The following TAPT1 variants were observed in gnomAD, a reference collection of about 807,000 sequenced individuals.
The protein encoded by TAPT1 is transmembrane anterior posterior transformation 1, also known as transmembrane anterior posterior transformation protein 1 homolog.
In TAPT1, 28 loss-of-function variants were observed where a neutral mutation model predicts 65.6. The ratio of observed to expected loss-of-function variants is 0.43; its 90% CI spans 0.32 to 0.59. The LOEUF is 0.59. Ranked by LOEUF, TAPT1 falls within the 20% of genes least tolerant of loss-of-function variation. The pLI, the probability that TAPT1 is intolerant of heterozygous loss-of-function variation, is 0.09. For synonymous variants in TAPT1, 278 were observed against 245.2 expected (o/e 1.13, Z -1.25); for missense variants, 563 against 679.9 (o/e 0.83, Z 1.91).
At position 16,184,234 on chromosome 4, in the gene TAPT1, C is replaced by A. The variant is rs376352727; in HGVS notation, c.916+2301G>T. On this transcript the variant is annotated intron_variant, in intron 7 of 13. Transcript: ENST00000405303. ...TCCTATCATCATAAACGAATTTTGTCTGATCATAAACTTCATATAAATGAA... is the reference window on the plus strand; with the variant it reads ...TCCTATCATCATAAACGAATTTTGTATGATCATAAACTTCATATAAATGAA... 9.2e-5 allele frequency among the ~76,000 whole-genome samples: 14 copies of A among 152,282 alleles called. 1 individual carries two copies. The highest frequency in any genetic ancestry group is 3.1e-4 in the African/African-American group (13 of 41,554).
rs374613998 is a variant in TAPT1 at position 16,163,399 on chromosome 4, G to A, written c.1613C>T (p.Thr538Met). ...GTGTTTTAATTCAGAATTGTCCTGCGTTATGTCCTTCTCGTCACCATCTGG... is the reference window on the plus strand; with the variant it reads ...GTGTTTTAATTCAGAATTGTCCTGCATTATGTCCTTCTCGTCACCATCTGG... ...TTPDGDEKDI[T>M]QDNSELKHRS... Residue 538 changes from threonine to methionine, a missense_variant, in exon 14 of 14, where the codon ACG (threonine) becomes ATG (methionine). Around this residue, in one of 5 missense-constraint regions of TAPT1, gnomAD observed 136 missense variants for 153.9 expected, o/e 0.88. Transcript: ENST00000405303. 1.9e-5 allele frequency: 31 copies of A among 1,613,762 alleles called. No homozygotes were observed. The highest frequency in any genetic ancestry group is 1.1e-4 in the African/African-American group (8 of 74,880).
At chr4:16,195,348 A>G (rs1197708420) in intron 3 of TAPT1, among the ~76,000 whole-genome samples, 2 of 152,216 alleles carry the variant, frequency 1.3e-5, no homozygotes, top group African/African-American at 4.8e-5. Flanking sequence ...AGTTCTTATA[A>G]ATGGCTAAGT....
Position 16,163,506 on chromosome 4 carries a change from G to T in TAPT1, c.1506C>A (p.Ser502=). 6.2e-7 allele frequency: 1 copy of T among 1,613,914 alleles called. No individual in the cohort carries two copies. The highest frequency in any genetic ancestry group is 8.5e-7 in the Non-Finnish European group (1 of 1,179,830). Residue 502 remains serine, a synonymous_variant, in exon 14 of 14, where the codon TCC becomes TCA. Coordinates refer to ENST00000405303, the MANE Select transcript of TAPT1 (RefSeq NM_153365.3). ...GLSTEENLSA[S]ITKQPIHQKE... ...TTTGATGAATAGGTTGTTTGGTGAT[G>T]GAGGCAGACAGGTTTTCTTCTGTGG...
intron 7 of TAPT1, among the ~76,000 whole-genome samples, chr4:16,180,163 CG>C (rs937083488): frequency 6.6e-6 from 1 of 152,064 alleles, no homozygotes; most frequent in Non-Finnish European, 1.5e-5. Context: ...ATAGCATTTC[CG>C]GGGGTGTATG....
intron 12 of TAPT1, 96 bp from the exon 13 acceptor site, chr4:16,166,889 C>T: frequency 8.2e-7 from 1 of 1,224,100 alleles, no homozygotes. Context: ...GGTGGGGGGG[C>T]ATGGGACGGT....
In TAPT1 at chr4:16,188,276, C is replaced by T; in HGVS notation, c.692G>A (p.Arg231Lys). The T allele has an allele frequency of 6.2e-7, 1 of 1,612,566 alleles. No individual in the cohort carries two copies. Among genetic ancestry groups the T allele is most frequent in the Non-Finnish European group, 8.5e-7 (1 of 1,179,212 alleles). The change falls in exon 5 of 14, where the codon AGA becomes AAA. Residue 231 changes from arginine (R) to lysine (K), a missense_variant. Physicochemically the swap from Arg to Lys is conservative, Grantham distance 26 (BLOSUM62 2). Around this residue, in one of 5 missense-constraint regions of TAPT1, gnomAD observed 217 missense variants for 317.5 expected, o/e 0.68. Transcript: ENST00000405303. ...LYWTATEPKE[R>K]KRAHIGVIPH... The stretch of plus-strand genomic sequence containing the variant: ...AATCACCCCAATGTGGGCTCTTTTT[C>T]TTTCTTTAGGCTCTGTTGCTGTCCA...
chr4:16,217,387 G>A (rs749465604), intron 1 of TAPT1, among the ~76,000 whole-genome samples: 1 of 152,150 alleles, frequency 6.6e-6, no homozygotes, highest in African/African-American at 2.4e-5. Flanking sequence ...AAAATGAAAT[G>A]GAAAGGGAAG....
At chr4:16,173,450 G>T (rs1462064487) in intron 11 of TAPT1, among the ~76,000 whole-genome samples, 2 of 151,858 alleles carry the variant, frequency 1.3e-5, no homozygotes, top group African/African-American at 4.8e-5. Flanking sequence ...ATGGAGTCTT[G>T]CTCTTTCGCC....
intron 1 of TAPT1, among the ~76,000 whole-genome samples, chr4:16,222,438 T>G (rs747690068): frequency 6.6e-6 from 1 of 152,232 alleles, no homozygotes; most frequent in Non-Finnish European, 1.5e-5. Flanking sequence ...ATTATTTTTA[T>G]TTTTCTTTGT....
chr4:16,226,632 T>TGCCGCCGCC (rs962928734), upstream of TAPT1: 3 of 218,634 alleles, frequency 1.4e-5, no homozygotes, highest in Non-Finnish European at 2.3e-5. Context: ...GTGAGGCCGC[T>TGCCGCCGCC]GCCGCCGCCG....
At chr4:16,214,979 G>C (rs1174425845) in intron 1 of TAPT1, among the ~76,000 whole-genome samples, 1 of 152,112 alleles carries the variant, frequency 6.6e-6, no homozygotes, top group Non-Finnish European at 1.5e-5. Flanking sequence ...TACATGTGAG[G>C]GGGGAAGCGT....
chr4:16,205,573 G>A (rs1750293225), intron 2 of TAPT1, among the ~76,000 whole-genome samples: 1 of 152,134 alleles, frequency 6.6e-6, no homozygotes, highest in Admixed American at 6.5e-5. Flanking sequence ...CACAGGTGAA[G>A]AGCCTGGGTC....
At position 16,202,542 on chromosome 4, in the gene TAPT1, A is replaced by T; in HGVS notation, c.369T>A (p.Phe123Leu). 1 of 1,551,568 alleles carries T rather than the reference A, an allele frequency of 6.4e-7. No individual in the cohort carries two copies. Among genetic ancestry groups the T allele is most frequent in the Non-Finnish European group, 8.7e-7 (1 of 1,147,142 alleles). Residue 123 changes from phenylalanine to leucine, a missense_variant, in exon 3 of 14, where the codon TTT (phenylalanine) becomes TTA (leucine). Physicochemically the swap from Phe to Leu is conservative, Grantham distance 22. Coordinates refer to ENST00000405303, the MANE Select transcript of TAPT1 (RefSeq NM_153365.3). ...AAGGAAGCAGGGTGAACACATACAA[A>T]AACGCATCCAGGCACAGAAAGATTC... ...VFGIFLCLDA[F>L]LYVFTLLPLR...
At chr4:16,188,562 T>C (rs1749160476) in intron 4 of TAPT1, among the ~76,000 whole-genome samples, 1 of 152,204 alleles carries the variant, frequency 6.6e-6, no homozygotes, top group African/African-American at 2.4e-5. Context: ...GTATAGAATT[T>C]CAGTTAGACT....
chr4:16,170,594 T>A (rs971834401), intron 12 of TAPT1, 59 bp downstream of exon 12: 6 of 1,302,544 alleles, frequency 4.6e-6, no homozygotes, highest in African/African-American at 1.5e-5. Context: ...CTAACTTCCA[T>A]TACATCTTGC....
chr4:16,177,068 T>TA (rs1748379497), intron 8 of TAPT1, among the ~76,000 whole-genome samples: 2 of 152,324 alleles, frequency 1.3e-5, no homozygotes, highest in African/African-American at 4.8e-5. Context: ...GACCTAGTGA[T>TA]AGATAGATAA....
At position 16,163,001 on chromosome 4, in the gene TAPT1, A is replaced by C; in HGVS notation, c.*307T>G. ...CAACATTCTGGAAGCCCAGACTGAC[A>C]AAGCAAAACAGATTTTGATGTTGCC... is the stretch of plus-strand genomic sequence containing the variant. On this transcript the variant is annotated 3_prime_UTR_variant, in exon 14 of 14. Transcript: ENST00000405303. 2.0e-6 allele frequency: 1 copy of C among 493,952 alleles called. No individual in the cohort carries two copies. The highest frequency in any genetic ancestry group is 1.5e-5 in the South Asian group (1 of 64,836). The allele number at this position is 493,952 out of a possible 1,614,324, so 30.6% of individuals were successfully genotyped here.
chr4:16,166,992 T>TC (rs1491563266), intron 12 of TAPT1, 199 bp from the exon 13 acceptor site: 17 of 59,016 alleles, frequency 2.9e-4, no homozygotes, highest in African/African-American at 1.6e-3. Context: ...CTTAGTTCTC[T>TC]TTTTTTTTTT....
chr4:16,175,780 G>A (rs1481450327), intron 9 of TAPT1, among the ~76,000 whole-genome samples: 2 of 152,010 alleles, frequency 1.3e-5, no homozygotes, highest in Admixed American at 6.6e-5. Context: ...TAAAAACCTA[G>A]CCAGAGAGAA....
Sources: allele counts gnomAD v4.1 joint callset (sites outside exome capture counted in the v4.1 genomes callset), GRCh38; gene constraint gnomAD v4.1.1; regional missense constraint gnomAD v4.1.1; transcripts MANE v1.5; gene names NCBI Gene and HGNC (gene_info 2026-07-23, HGNC 2026-07-21).